Variants in NUP153 observed in about 807,000 individuals in gnomAD.
The protein encoded by NUP153 is nucleoporin 153.
A neutral mutation model predicts 134.6 loss-of-function variants in NUP153; 27 were observed. The ratio of observed to expected loss-of-function variants is 0.20; its 90% CI spans 0.15 to 0.28. NUP153 has a LOEUF of 0.28. Ranked by LOEUF, NUP153 falls within the 10% of genes least tolerant of loss-of-function variation. The pLI is 1.00. For synonymous variants in NUP153, 640 were observed against 623.5 expected (o/e 1.03, Z -0.40); for missense variants, 1,821 against 1,731.3 (o/e 1.05, Z -0.92).
At chr6:17,693,628 T>C (rs936520761) in intron 1 of NUP153, among the ~76,000 whole-genome samples, 2 of 152,250 alleles carry the variant, frequency 1.3e-5, no homozygotes. Context: ...GGCTCACGCC[T>C]GTAATCCCAG....
In NUP153 at chr6:17,673,045, G is replaced by A. The variant is rs568985885; in HGVS notation, c.852+1860C>T. On this transcript the variant is annotated intron_variant, in intron 5 of 21. Coordinates refer to ENST00000262077, the MANE Select transcript of NUP153 (RefSeq NM_005124.4). Reference sequence around the variant, plus strand: ...GAAACCATTAAGAATACACACACACGCACACACACACACAAAAGATGTCAT... The same window carrying A: ...GAAACCATTAAGAATACACACACACACACACACACACACAAAAGATGTCAT... 2.8e-3 allele frequency among the ~76,000 whole-genome samples: 417 copies of A among 151,378 alleles called. 2 individuals are homozygous for A. The highest frequency in any genetic ancestry group is 2.5e-3 in the Non-Finnish European group (171 of 67,766).
chr6:17,663,907 A>G (rs1160639778), intron 9 of NUP153, among the ~76,000 whole-genome samples: 2 of 152,052 alleles, frequency 1.3e-5, no homozygotes, highest in Non-Finnish European at 2.9e-5. Context: ...CTAGGTATAA[A>G]CCCAAGAGAA....
At chr6:17,676,287 A>G (rs1768216955) in intron 2 of NUP153, among the ~76,000 whole-genome samples, 1 of 152,136 alleles carries the variant, frequency 6.6e-6, no homozygotes, top group Non-Finnish European at 1.5e-5. Flanking sequence ...TAATCTCTTA[A>G]ATAAGCCATC....
At position 17,675,858 on chromosome 6, in the gene NUP153, A is replaced by G; in HGVS notation, c.335-88T>C. The G allele has an allele frequency of 8.3e-7, 1 of 1,212,078 alleles. No homozygotes were observed. The highest frequency in any genetic ancestry group is 1.2e-6 in the Non-Finnish European group (1 of 828,230). The allele number at this position is 1,212,078 out of a possible 1,614,324, so 75.1% of individuals were successfully genotyped here. On this transcript the variant is annotated intron_variant, in intron 2 of 21. Transcript: ENST00000262077. The surrounding 1 kb of genome is among the most constrained non-coding windows in gnomAD (Gnocchi z 4.4). ...TTTTTACTTTAAGAAAACACATTAC[A>G]GTATATAATAGCTTCAATTCAAATC...
chr6:17,625,826 T>C lies in NUP153; in HGVS notation c.3883A>G (p.Thr1295Ala), dbSNP rs375498574. 238 of 1,613,586 alleles carry C rather than the reference T, an allele frequency of 1.5e-4. No homozygotes were observed. The highest frequency in any genetic ancestry group is 1.9e-4 in the Non-Finnish European group (221 of 1,179,604). Residue 1295 changes from threonine to alanine, a missense_variant, in exon 19 of 22, where the codon ACC (threonine) becomes GCC (alanine). Coordinates refer to ENST00000262077, the MANE Select transcript of NUP153 (RefSeq NM_005124.4). The surrounding 1 kb of genome is among the most constrained non-coding windows in gnomAD (Gnocchi z 4.7). The stretch of plus-strand genomic sequence containing the variant: ...AATGTACCTGCAGAGCTAGATGTGG[T>C]TGTGGCTCCAAAGCCGAAACCAGAG... ...TTSGFGFGAT[T>A]TSSSAGSSFV...
Position 17,675,878 on chromosome 6 carries a change from C to G in NUP153, c.335-108G>C. ...ATTACAGTATATAATAGCTTCAATT[C>G]AAATCACTGGGGCATCCCATAATAA... is the stretch of plus-strand genomic sequence containing the variant. On this transcript the variant is annotated intron_variant, in intron 2 of 21. Transcript: ENST00000262077. The surrounding 1 kb of genome is among the most constrained non-coding windows in gnomAD (Gnocchi z 4.4). The G allele has an allele frequency of 9.5e-7, 1 of 1,051,304 alleles. No individual in the cohort carries two copies. Among genetic ancestry groups the G allele is most frequent in the Non-Finnish European group, 1.4e-6 (1 of 698,472 alleles). 65.1% of individuals were successfully genotyped at this position (1,051,304 alleles called of 1,614,324 possible).
chr6:17,696,672 G>A (rs1039055417), intron 1 of NUP153, among the ~76,000 whole-genome samples: 2 of 151,332 alleles, frequency 1.3e-5, no homozygotes, highest in African/African-American at 2.4e-5. Flanking sequence ...GGAGAATGGC[G>A]TGAACCCGGC....
chr6:17,656,806 G>A lies in NUP153; in HGVS notation c.1395+4847C>T, dbSNP rs571418068. Reference sequence around the variant, plus strand: ...GAGGAAGTCTGAAAAGTCCTTCGACGTGCACAGTTGTCTCTTCATGCCTCT... The same window carrying A: ...GAGGAAGTCTGAAAAGTCCTTCGACATGCACAGTTGTCTCTTCATGCCTCT... On this transcript the variant is annotated intron_variant, in intron 11 of 21. Transcript: ENST00000262077. 1.4e-4 allele frequency among the ~76,000 whole-genome samples: 22 copies of A among 152,286 alleles called. No individual in the cohort carries two copies. The South Asian group carries it at 2.5e-3, about 17-fold the overall frequency.
chr6:17,639,687 A>G (rs1765738353), intron 15 of NUP153, among the ~76,000 whole-genome samples: 1 of 152,144 alleles, frequency 6.6e-6, no homozygotes, highest in Admixed American at 6.5e-5. Context: ...TTCCTCACTG[A>G]CCTACCTCTA....
chr6:17,675,190 A>C lies in NUP153; in HGVS notation c.723+39T>G. 6.3e-7 allele frequency: 1 copy of C among 1,599,182 alleles called. No individual in the cohort carries two copies. Among genetic ancestry groups the C allele is most frequent in the Non-Finnish European group, 8.5e-7 (1 of 1,175,428 alleles). On this transcript the variant is annotated intron_variant, in intron 4 of 21. Transcript: ENST00000262077. This position sits in a 1 kb window ranked among gnomAD's most constrained non-coding sequence, Gnocchi z 4.4. ...AAAAAATTATAAGCAATAAACACTC[A>C]AAACTAATGTGATTAAATCCAACCC...
At chr6:17,699,183 C>T (rs1769875427) in intron 1 of NUP153, among the ~76,000 whole-genome samples, 2 of 100,092 alleles carry the variant, frequency 2.0e-5, no homozygotes, top group African/African-American at 7.0e-5. Flanking sequence ...TAAATAGCTA[C>T]AAATAATTTT....
chr6:17,616,228 A>T (rs2113754725), intron 21 of NUP153, 47 bp from the exon 22 acceptor site: 1 of 1,188,576 alleles, frequency 8.4e-7, no homozygotes, highest in East Asian at 3.7e-5. Context: ...CTCTGAGCAA[A>T]ATTTCCAAAT....
At chr6:17,661,599 C>A in intron 11 of NUP153, 54 bp downstream of exon 11, 1 of 1,562,798 alleles carries the variant, frequency 6.4e-7, no homozygotes, top group Non-Finnish European at 8.7e-7. Context: ...CTTACCACCA[C>A]CACACCAATG....
At chr6:17,704,636 CCAT>C (rs1373413156) in intron 1 of NUP153, among the ~76,000 whole-genome samples, 1 of 151,916 alleles carries the variant, frequency 6.6e-6, no homozygotes, top group East Asian at 1.9e-4. Flanking sequence ...CCAAACCTAA[CCAT>C]CAGTAGAGAA....
intron 2 of NUP153, among the ~76,000 whole-genome samples, chr6:17,682,438 T>G (rs777820201): frequency 7.2e-5 from 11 of 152,172 alleles, no homozygotes; most frequent in Non-Finnish European, 1.3e-4. Context: ...GACTATTCCT[T>G]TAACGAAAGA....
intron 17 of NUP153, among the ~76,000 whole-genome samples, chr6:17,630,781 GAAGAGAGAAGAC>G (rs1765210150): frequency 6.6e-6 from 1 of 151,062 alleles, no homozygotes; most frequent in Non-Finnish European, 1.5e-5. Context: ...GGAGAGGAGA[GAAGAGAGAAGAC>G]AGGAGAGAAG....
chr6:17,699,481 C>CAA (rs147055009), intron 1 of NUP153, among the ~76,000 whole-genome samples: 231 of 97,522 alleles, frequency 2.4e-3, no homozygotes, highest in East Asian at 7.3e-3. Context: ...AGACTCGTCT[C>CAA]AAAAAAAAAA....
Position 17,668,243 on chromosome 6 carries a change from T to C in NUP153, c.1068+732A>G, listed in dbSNP as rs12192926. ...GGTGCGCACCGCCACACCTGGCTAA[T>C]TTTTTTTTGTATTTTTAGTAGAGAC... On this transcript the variant is annotated intron_variant, in intron 8 of 21. Transcript: ENST00000262077. Among the ~76,000 whole-genome samples, 1,342 of 145,326 alleles carry C rather than the reference T, an allele frequency of 9.2e-3. 10 individuals are homozygous for C. Among genetic ancestry groups the C allele is most frequent in the Middle Eastern group, 0.014 (4 of 290 alleles).
At chr6:17,681,849 A>T (rs1283340590) in intron 2 of NUP153, among the ~76,000 whole-genome samples, 1 of 152,108 alleles carries the variant, frequency 6.6e-6, no homozygotes, top group Non-Finnish European at 1.5e-5. Context: ...GTGATAGGAT[A>T]ATTTTCTAAC....
Sources: allele counts gnomAD v4.1 joint callset (sites outside exome capture counted in the v4.1 genomes callset), GRCh38; gene constraint gnomAD v4.1.1; non-coding constraint Gnocchi (gnomAD v3.1); transcripts MANE v1.5; gene names NCBI Gene and HGNC (gene_info 2026-07-23, HGNC 2026-07-21).